HSPE1: variants seen among roughly 807,000 people sequenced by gnomAD.
The protein encoded by HSPE1 is heat shock protein family E (Hsp10) member 1, also known as 10 kDa heat shock protein, mitochondrial.
A neutral mutation model predicts 13.2 loss-of-function variants in HSPE1; 1 was observed. The ratio of observed to expected loss-of-function variants is 0.08; its 90% CI spans 0.03 to 0.36. The LOEUF (loss-of-function observed/expected upper bound fraction) is 0.36, where lower values mean the gene tolerates loss of function less well. Among genes scored for constraint, HSPE1 ranks in the 10% least tolerant of loss-of-function variants. The pLI is 0.99. For synonymous variants in HSPE1, 44 were observed against 42.0 expected (o/e 1.05, Z -0.19); for missense variants, 73 against 118.7 (o/e 0.62, Z 1.79).
chr2:197,503,081 G>A lies in HSPE1; in HGVS notation c.211G>A (p.Val71Ile). ...AGTTAGCGTGAAAGTTGGAGATAAA[G>A]TTCTTCTCCCAGAATATGGAGGCAC... ...QPVSVKVGDK[V>I]LLPEYGGTKV... is the part of the protein sequence containing the mutation. Residue 71 changes from valine (V) to isoleucine (I), a missense_variant, in exon 3 of 4, where the codon GTT becomes ATT. Val to Ile is a conservative substitution (Grantham distance 29, BLOSUM62 3). Coordinates refer to ENST00000233893, the MANE Select transcript of HSPE1 (RefSeq NM_002157.3). The A allele has an allele frequency of 6.2e-7, 1 of 1,609,168 alleles. No individual in the cohort carries two copies. The highest frequency in any genetic ancestry group is 1.7e-5 in the Admixed American group (1 of 59,984).
At chr2:197,500,969 T>TA (rs2086245757) in intron 1 of HSPE1, 105 bp from the exon 2 acceptor site, 2 of 1,357,098 alleles carry the variant, frequency 1.5e-6, no homozygotes, top group African/African-American at 2.9e-5. Flanking sequence ...GGTTTGGTGT[T>TA]AACTTTCAAA....
At chr2:197,500,828 G>A (rs1407891135) in intron 1 of HSPE1, 1 of 594,022 alleles carries the variant, frequency 1.7e-6, no homozygotes, top group Non-Finnish European at 3.0e-6. Context: ...ATAAACTAAG[G>A]TTGACCTTAA....
chr2:197,502,064 G>T (rs1321772194), intron 2 of HSPE1, among the ~76,000 whole-genome samples: 1 of 152,074 alleles, frequency 6.6e-6, no homozygotes, highest in East Asian at 1.9e-4. Context: ...GAGGAAACTT[G>T]GACTGTTCGT....
intron 1 of HSPE1, 194 bp downstream of exon 1, chr2:197,500,633 C>T (rs779556994): frequency 1.0e-5 from 8 of 803,550 alleles, no homozygotes; most frequent in East Asian, 5.4e-5. Context: ...CGCGCGTGTG[C>T]TGCCGGTGTG....
In HSPE1 at chr2:197,503,263, A is replaced by G. The variant is rs1338121124; in HGVS notation, c.*4A>G. The G allele has an allele frequency of 1.3e-6, 2 of 1,585,424 alleles. No homozygotes were observed. Among genetic ancestry groups the G allele is most frequent in the Admixed American group, 1.7e-5 (1 of 59,948 alleles). ...TCTTGGAAAGTACGTAGACTGAAAT[A>G]AGTCACTATTGAAATGGCATCAACA... On this transcript the variant is annotated 3_prime_UTR_variant, in exon 4 of 4. Coordinates refer to ENST00000233893, the MANE Select transcript of HSPE1 (RefSeq NM_002157.3).
intron 1 of HSPE1, 120 bp from the exon 2 acceptor site, chr2:197,500,954 G>C (rs913806409): frequency 8.6e-7 from 1 of 1,157,012 alleles, no homozygotes; most frequent in Non-Finnish European, 1.2e-6. Context: ...TAACGAATAA[G>C]CTGAGGTTTG....
chr2:197,501,275 G>A (rs1315125953), intron 2 of HSPE1, 37 bp downstream of exon 2: 13 of 1,557,478 alleles, frequency 8.3e-6, no homozygotes, highest in Admixed American at 2.0e-5. Flanking sequence ...TTTTTATAGT[G>A]TGCAGTGGAG....
chr2:197,500,515 T>C, intron 1 of HSPE1, 76 bp downstream of exon 1: 1 of 1,527,600 alleles, frequency 6.5e-7, no homozygotes, highest in South Asian at 1.2e-5. Context: ...CGCCCCTCTT[T>C]TGTTGGGCTG....
At chr2:197,501,285 G>A (rs2086251568) in intron 2 of HSPE1, 47 bp downstream of exon 2, 2 of 1,530,970 alleles carry the variant, frequency 1.3e-6, no homozygotes, top group Admixed American at 2.2e-5. Flanking sequence ...GTGCAGTGGA[G>A]GGAAAAGAAG....
intron 2 of HSPE1, 141 bp from the exon 3 acceptor site, chr2:197,502,898 G>A (rs189318443): frequency 4.3e-5 from 26 of 598,384 alleles, no homozygotes; most frequent in Admixed American, 1.2e-4. Context: ...AGTATGAGTC[G>A]TATCACTTAG....
At position 197,502,936 on chromosome 2, in the gene HSPE1, G is replaced by A. The variant is rs992878320; in HGVS notation, c.169-103G>A. On this transcript the variant is annotated intron_variant, in intron 2 of 3. Transcript: ENST00000233893. ...ACGAAATATATTTTTAATATAATTG[G>A]ATTTGAGTGACCATGTTTCATTAGT... 18 of 681,980 alleles carry A rather than the reference G, an allele frequency of 2.6e-5. No individual in the cohort carries two copies. The African/African-American group carries it at 3.2e-4, about 12-fold the overall frequency. 42.2% of individuals were successfully genotyped at this position (681,980 alleles called of 1,614,324 possible). A position where few individuals can be genotyped will look rare whatever the true frequency, so the allele number is the denominator to read the frequency against.
chr2:197,501,395 CTAATA>C, intron 2 of HSPE1, 157 bp downstream of exon 2: 2 of 852,108 alleles, frequency 2.3e-6, no homozygotes, highest in East Asian at 2.7e-5. Flanking sequence ...AGGGAAATGA[CTAATA>C]TAAAGTTGCT....
Position 197,500,448 on chromosome 2 carries a change from C to T in HSPE1, c.3+9C>T, listed in dbSNP as rs760949099. ...AGGCGGAGGGAGTAATGGTGAGTCC[C>T]GCGTGGCCCCGAGGCCTGCAGGCCC... On this transcript the variant is annotated intron_variant, in intron 1 of 3. Coordinates refer to ENST00000233893, the MANE Select transcript of HSPE1 (RefSeq NM_002157.3). 2 of 1,580,414 alleles carry T rather than the reference C, an allele frequency of 1.3e-6. No individual in the cohort carries two copies. The highest frequency in any genetic ancestry group is 1.3e-5 in the African/African-American group (1 of 74,476).
chr2:197,500,413 T>C lies in HSPE1; in HGVS notation c.-24T>C. 1.2e-6 allele frequency: 2 copies of C among 1,600,210 alleles called. No homozygotes were observed. The highest frequency in any genetic ancestry group is 1.7e-6 in the Non-Finnish European group (2 of 1,174,134). ...TTTGCGGCGCTACACTAGAGCAGAG[T>C]ACGAGTCTGAGGCGGAGGGAGTAAT... On this transcript the variant is annotated 5_prime_UTR_variant, in exon 1 of 4. Transcript: ENST00000233893.
rs182372784 is a variant in HSPE1, at chr2:197,503,148, C to A, written c.258+20C>A. 1.9e-6 allele frequency: 3 copies of A among 1,584,122 alleles called. No individual in the cohort carries two copies. Among genetic ancestry groups the A allele is most frequent in the African/African-American group, 2.7e-5 (2 of 74,188 alleles). ...GACAAGGTGTGTAAACTTAATAATT[C>A]TAAAAAGAAGTCAGATATTTGCAAT... On this transcript the variant is annotated intron_variant, in intron 3 of 3. Transcript: ENST00000233893.
chr2:197,502,258 G>C (rs1389492850), intron 2 of HSPE1, among the ~76,000 whole-genome samples: 1 of 152,040 alleles, frequency 6.6e-6, no homozygotes, highest in Non-Finnish European at 1.5e-5. Context: ...TTTTTTTTAA[G>C]CTTACCAGCT....
chr2:197,501,093 A>G lies in HSPE1; in HGVS notation c.23A>G (p.Lys8Arg). MAGQAFRKFLPLFDRVLV... is the reference protein window; with the variant it reads MAGQAFRRFLPLFDRVLV... ...CTACAGGCAGGACAAGCGTTTAGAA[A>G]GTTTCTTCCACTCTTTGACCGAGTA... The change falls in exon 2 of 4, where the codon AAG (lysine) becomes AGG (arginine). Residue 8 changes from lysine to arginine, a missense_variant. Coordinates refer to ENST00000233893, the MANE Select transcript of HSPE1 (RefSeq NM_002157.3). 6.2e-7 allele frequency: 1 copy of G among 1,613,638 alleles called. No individual in the cohort carries two copies. Among genetic ancestry groups the G allele is most frequent in the East Asian group, 2.2e-5 (1 of 44,882 alleles).
At chr2:197,502,663 A>G (rs1024446293) in intron 2 of HSPE1, among the ~76,000 whole-genome samples, 3 of 152,236 alleles carry the variant, frequency 2.0e-5, no homozygotes, top group Admixed American at 1.3e-4. Context: ...GACCATTTGT[A>G]TATGGCATTT....
chr2:197,503,127 A>T lies in HSPE1; in HGVS notation c.257A>T (p.Lys86Met), dbSNP rs1376344352. 1.9e-6 allele frequency: 3 copies of T among 1,597,880 alleles called. No individual in the cohort carries two copies. The change falls in exon 3 of 4, where the codon AAG (lysine) becomes ATG (methionine). Residue 86 changes from lysine to methionine, a missense_variant and splice_region_variant. Physicochemically the swap from Lys to Met is moderately conservative, Grantham distance 95. Transcript: ENST00000233893. ...YGGTKVVLDD[K>M]DYFLFRDGDI... ...GGCACCAAAGTAGTTCTAGATGACA[A>T]GGTGTGTAAACTTAATAATTCTAAA...
Sources: gnomAD v4.1 joint callset for allele counts (sites outside exome capture counted in the v4.1 genomes callset) on GRCh38, gnomAD v4.1.1 for gene constraint, MANE v1.5 for transcripts, NCBI Gene and HGNC (gene_info 2026-07-23, HGNC 2026-07-21) for gene names.